The following HOMER3 variants were observed in gnomAD, a reference collection of about 807,000 sequenced individuals.
HOMER3 encodes homer protein homolog 3.
HOMER3 carries 34 observed loss-of-function variants against 45.5 expected under a neutral mutation model. That is an observed-to-expected ratio of 0.75 (90% CI 0.57 to 1.00). HOMER3 has a LOEUF of 1.00. Among genes scored for constraint, HOMER3 ranks in the 50% least tolerant of loss-of-function variants. The probability of loss-of-function intolerance (pLI) is 0.00; values close to 1 mark genes in which losing one functional copy is unlikely to be tolerated. For missense variants in HOMER3, 480 were observed against 497.5 expected (o/e 0.96, Z 0.33); for synonymous variants, 223 against 208.8 (o/e 1.07, Z -0.58).
chr19:18,933,007 G>A lies in HOMER3; in HGVS notation c.450C>T (p.Gly150=), dbSNP rs1332424418. ...PSPLVSANGP[G]EEKLFRSQSA... The stretch of plus-strand genomic sequence containing the variant: ...TCTGGCTGCGGAACAGTTTTTCCTC[G>A]CCGGGGCCGTTGGCACTGACGAGAG... Residue 150 remains glycine, a synonymous_variant, in exon 6 of 10, where the codon GGC becomes GGT. Coordinates refer to ENST00000392351, the MANE Select transcript of HOMER3 (RefSeq NM_004838.4). 3 of 1,483,898 alleles carry A rather than the reference G, an allele frequency of 2.0e-6. No individual in the cohort carries two copies. Among genetic ancestry groups the A allele is most frequent in the Admixed American group, 2.8e-5 (1 of 35,694 alleles). The allele number at this position is 1,483,898 out of a possible 1,614,324, so 91.9% of individuals were successfully genotyped here.
intron 4 of HOMER3, among the ~76,000 whole-genome samples, chr19:18,937,158 G>T (rs1259811143): frequency 6.6e-6 from 1 of 151,642 alleles, no homozygotes; most frequent in African/African-American, 2.4e-5. Flanking sequence ...TAAGATTAAA[G>T]ATATTAGCTA....
Position 18,938,709 on chromosome 19 carries a change from A to AACCCCC in HOMER3, c.171+18_171+19insGGGGGT. 2 of 940,930 alleles carry AACCCCC rather than the reference A, an allele frequency of 2.1e-6. No homozygotes were observed. Among genetic ancestry groups the AACCCCC allele is most frequent in the Non-Finnish European group, 3.2e-6 (2 of 626,796 alleles). 58.3% of individuals were successfully genotyped at this position (940,930 alleles called of 1,614,324 possible). On this transcript the variant is annotated intron_variant, in intron 3 of 9. Coordinates refer to ENST00000392351, the MANE Select transcript of HOMER3 (RefSeq NM_004838.4). The stretch of plus-strand genomic sequence containing the variant: ...CCAGGACTCCTGGTGCCTCTGCCCC[A>AACCCCC]CCCAGACCCCACCCTGACCTTGGCG...
chr19:18,940,208 G>A (rs1326631230), intron 1 of HOMER3: 1 of 152,550 alleles, frequency 6.6e-6, no homozygotes, highest in East Asian at 1.9e-4. Context: ...CCTGGACTGG[G>A]GGCGGGTCCT....
intron 4 of HOMER3, among the ~76,000 whole-genome samples, chr19:18,935,869 A>G (rs1476923159): frequency 6.6e-6 from 1 of 151,062 alleles, no homozygotes; most frequent in Non-Finnish European, 1.5e-5. Flanking sequence ...AAAACACAAA[A>G]ATTAGCCAGG....
chr19:18,939,956 T>C (rs1299472245), intron 1 of HOMER3: 1 of 152,260 alleles, frequency 6.6e-6, no homozygotes, highest in African/African-American at 2.4e-5. Context: ...CAGAGCAGAA[T>C]CCACACTGGG....
chr19:18,929,467 G>A lies in HOMER3; in HGVS notation c.1062C>T (p.Ala354=), dbSNP rs1262216227. ...FELSELREGL[A]RLAEAAP ...CTCAGGGCGCAGCCTCAGCCAGGCG[G>A]GCCAGGCCCTCACGCAGCTCACTCA... The change falls in exon 10 of 10, where the codon GCC becomes GCT. Residue 354 remains alanine, a synonymous_variant. Coordinates refer to ENST00000392351, the MANE Select transcript of HOMER3 (RefSeq NM_004838.4). 1.3e-6 allele frequency: 2 copies of A among 1,599,628 alleles called. No homozygotes were observed. The highest frequency in any genetic ancestry group is 1.7e-6 in the Non-Finnish European group (2 of 1,176,018).
intron 7 of HOMER3, 89 bp downstream of exon 7, chr19:18,931,887 G>T: frequency 7.0e-7 from 1 of 1,437,706 alleles, no homozygotes; most frequent in Admixed American, 2.8e-5. Context: ...GCTAGTCCAT[G>T]AACCCAGGGC....
chr19:18,929,371 G>T lies in HOMER3; in HGVS notation c.*72C>A. ...CCCCCAGTCCCTTTCCAGGACGAATGGGCCCAACTATGCCGCCTGCAGCCT... is the reference window on the plus strand; with the variant it reads ...CCCCCAGTCCCTTTCCAGGACGAATTGGCCCAACTATGCCGCCTGCAGCCT... On this transcript the variant is annotated 3_prime_UTR_variant, in exon 10 of 10. Coordinates refer to ENST00000392351, the MANE Select transcript of HOMER3 (RefSeq NM_004838.4). 6.6e-7 allele frequency: 1 copy of T among 1,522,250 alleles called. No homozygotes were observed. The highest frequency in any genetic ancestry group is 9.0e-7 in the Non-Finnish European group (1 of 1,112,658). 94.3% of individuals were successfully genotyped at this position (1,522,250 alleles called of 1,614,324 possible).
intron 6 of HOMER3, 152 bp from the exon 7 acceptor site, chr19:18,932,284 G>A (rs1015324930): frequency 1.8e-6 from 1 of 542,528 alleles, no homozygotes; most frequent in East Asian, 6.3e-5. Flanking sequence ...CGCGAAGTTG[G>A]ACTAGGGGGC....
intron 4 of HOMER3, among the ~76,000 whole-genome samples, chr19:18,936,465 T>C (rs1256470082): frequency 6.6e-6 from 1 of 151,378 alleles, no homozygotes; most frequent in African/African-American, 2.4e-5. Flanking sequence ...AGTGAAACCC[T>C]GTCTCTGCTA....
At chr19:18,936,489 T>TA in intron 4 of HOMER3, among the ~76,000 whole-genome samples, 1 of 149,938 alleles carries the variant, frequency 6.7e-6, no homozygotes, top group South Asian at 2.1e-4. Flanking sequence ...ATACAAAAAT[T>TA]AAAAAAACAA....
chr19:18,938,663 C>T (rs2057120423), intron 3 of HOMER3, 65 bp downstream of exon 3: 3 of 1,540,748 alleles, frequency 1.9e-6, no homozygotes, highest in East Asian at 2.4e-5. Flanking sequence ...AGCAAGCCAG[C>T]CACCAGACCC....
chr19:18,939,999 A>G (rs553911620), intron 1 of HOMER3: 1 of 152,568 alleles, frequency 6.6e-6, no homozygotes, highest in African/African-American at 2.4e-5. Flanking sequence ...CCATTGGGCC[A>G]TTCAGCAACC....
intron 1 of HOMER3, chr19:18,940,380 C>T (rs571926392): frequency 5.8e-4 from 89 of 152,402 alleles, no homozygotes; most frequent in African/African-American, 2.1e-3. Context: ...GGGTCCGACA[C>T]CGCCCGGTGC....
chr19:18,938,609 C>A (rs1166076635), intron 3 of HOMER3, 119 bp downstream of exon 3: 5 of 1,499,880 alleles, frequency 3.3e-6, no homozygotes, highest in Non-Finnish European at 4.6e-6. Flanking sequence ...GAGATAGAGA[C>A]TAGGGCCTGG....
rs565331101 is a variant in HOMER3, at chr19:18,934,221, T to G, written c.411+82A>C. The stretch of plus-strand genomic sequence containing the variant: ...CCAGCAGAGTGCCCCGGTCTCCCAA[T>G]ATCAAGGTCCCCCAATATCAGTTGA... On this transcript the variant is annotated intron_variant, in intron 5 of 9. Transcript: ENST00000392351. The G allele has an allele frequency of 7.7e-6, 6 of 783,514 alleles. No individual in the cohort carries two copies. In the African/African-American group the frequency reaches 1.1e-4, roughly 14 times the overall value. 48.5% of individuals were successfully genotyped at this position (783,514 alleles called of 1,614,324 possible). A position where few individuals can be genotyped will look rare whatever the true frequency, so the allele number is the denominator to read the frequency against.
Position 18,929,546 on chromosome 19 carries a change from G to A in HOMER3, c.983C>T (p.Ala328Val), listed in dbSNP as rs1568334245. 12 of 1,554,888 alleles carry A rather than the reference G, an allele frequency of 7.7e-6. No individual in the cohort carries two copies. Among genetic ancestry groups the A allele is most frequent in the East Asian group, 4.8e-5 (2 of 41,710 alleles). Residue 328 changes from alanine to valine, a missense_variant, in exon 10 of 10, where the codon GCG (alanine) becomes GTG (valine). Ala to Val is a moderately conservative substitution (Grantham distance 64). Coordinates refer to ENST00000392351, the MANE Select transcript of HOMER3 (RefSeq NM_004838.4). ...LEEARAERER[A>V]RAEVGRAAQL... ...CGCTGCCCGGCCCACCTCAGCCCGC[G>A]CCCGCTCCCGCTCTGCCCGTGCCTC...
intron 4 of HOMER3, among the ~76,000 whole-genome samples, chr19:18,937,609 T>C (rs1247502425): frequency 1.4e-5 from 2 of 144,890 alleles, no homozygotes; most frequent in African/African-American, 5.1e-5. Context: ...GAGGTGGAGG[T>C]TGCAGTGAGC....
At chr19:18,930,660 C>T (rs895284159) in intron 9 of HOMER3, among the ~76,000 whole-genome samples, 6 of 151,726 alleles carry the variant, frequency 4.0e-5, no homozygotes, top group Admixed American at 6.6e-5. Context: ...AGATTGCTCA[C>T]GGTCAGGAGT....
Sources: gnomAD v4.1 joint callset for allele counts (sites outside exome capture counted in the v4.1 genomes callset) on GRCh38, gnomAD v4.1.1 for gene constraint, MANE v1.5 for transcripts, NCBI Gene and HGNC (gene_info 2026-07-23, HGNC 2026-07-21) for gene names.